The following LRFN5 variants were observed in gnomAD, a reference collection of about 807,000 sequenced individuals.
The protein encoded by LRFN5 is leucine-rich repeat and fibronectin type-III domain-containing protein 5.
A neutral mutation model predicts 45.6 loss-of-function variants in LRFN5; 24 were observed. The observed-to-expected ratio is 0.53, with a 90% CI of 0.38 to 0.74. The LOEUF (loss-of-function observed/expected upper bound fraction) is 0.74, where lower values mean the gene tolerates loss of function less well. LRFN5 is among the 30% of genes least tolerant of loss of function. The pLI is 0.00. For synonymous variants in LRFN5, 340 were observed against 313.8 expected, an observed-to-expected ratio of 1.08 and a Z score of -0.88; for missense variants, 776 against 861.5, an observed-to-expected ratio of 0.90 and a Z score of 1.24.
chr14:41,829,656 G>A (rs1888411756), intron 2 of LRFN5, among the ~76,000 whole-genome samples: 2 of 151,524 alleles, frequency 1.3e-5, no homozygotes, highest in Non-Finnish European at 3.0e-5. Context: ...CTTTCATTAA[G>A]TGGTTATATT....
At chr14:41,810,449 C>A (rs2138990054) in intron 2 of LRFN5, among the ~76,000 whole-genome samples, 1 of 152,108 alleles carries the variant, frequency 6.6e-6, no homozygotes, top group South Asian at 2.1e-4. Context: ...TAATTTTGGG[C>A]TTATCATCCA....
At chr14:41,775,736 C>A (rs1282348272) in intron 2 of LRFN5, among the ~76,000 whole-genome samples, 1 of 151,962 alleles carries the variant, frequency 6.6e-6, no homozygotes, top group Non-Finnish European at 1.5e-5. Flanking sequence ...TAGGGTAAAC[C>A]TTTTTATAAT....
At chr14:41,863,109 C>T (rs1889725248) in intron 2 of LRFN5, among the ~76,000 whole-genome samples, 1 of 152,116 alleles carries the variant, frequency 6.6e-6, no homozygotes, top group Non-Finnish European at 1.5e-5. Flanking sequence ...TGTGATCCGC[C>T]CGCCTCAGCC....
Position 41,794,425 on chromosome 14 carries a change from T to A in LRFN5, c.-21+27396T>A, listed in dbSNP as rs956797083. On this transcript the variant is annotated intron_variant, in intron 2 of 5. Transcript: ENST00000298119. ...TTACCTCCTGTAAGACTTTTCTGAT[T>A]CATTTAATTTCATTTAATTTACACT... Among the ~76,000 whole-genome samples the A allele has an allele frequency of 6.6e-5, 10 of 152,212 alleles. No individual in the cohort carries two copies. The East Asian group carries it at 1.7e-3, about 27-fold the overall frequency.
intron 1 of LRFN5, among the ~76,000 whole-genome samples, chr14:41,626,602 C>A (rs1021136828): frequency 6.6e-6 from 1 of 152,002 alleles, no homozygotes; most frequent in African/African-American, 2.4e-5. Context: ...TATTTATGTT[C>A]ATAGTGTTAT....
chr14:41,638,869 A>G (rs1294313078), intron 1 of LRFN5, among the ~76,000 whole-genome samples: 1 of 152,118 alleles, frequency 6.6e-6, no homozygotes, highest in Non-Finnish European at 1.5e-5. Flanking sequence ...TTCTAGAAAT[A>G]CAGCATCAGT....
intron 2 of LRFN5, among the ~76,000 whole-genome samples, chr14:41,801,115 A>C (rs1887315557): frequency 6.6e-6 from 1 of 152,102 alleles, no homozygotes; most frequent in South Asian, 2.1e-4. Context: ...TTGGTAAAGG[A>C]GTAGAAAAAA....
intron 2 of LRFN5, among the ~76,000 whole-genome samples, chr14:41,883,509 A>G (rs961939469): frequency 7.2e-5 from 11 of 152,160 alleles, no homozygotes; most frequent in Non-Finnish European, 1.5e-4. Context: ...TTTGCTGGTG[A>G]AGAAACTGTT....
intron 1 of LRFN5, among the ~76,000 whole-genome samples, chr14:41,748,294 G>A (rs956433769): frequency 2.0e-5 from 3 of 152,030 alleles, no homozygotes; most frequent in African/African-American, 7.2e-5. Context: ...GCAGACAAAT[G>A]GCTAAGGTAA....
chr14:41,777,652 A>G (rs1886338593), intron 2 of LRFN5, among the ~76,000 whole-genome samples: 3 of 151,864 alleles, frequency 2.0e-5, no homozygotes, highest in Non-Finnish European at 4.4e-5. Flanking sequence ...TAGGAGCTCT[A>G]TTACATTGGT....
intron 1 of LRFN5, among the ~76,000 whole-genome samples, chr14:41,624,674 T>C (rs755632041): frequency 3.3e-5 from 5 of 152,088 alleles, no homozygotes; most frequent in Non-Finnish European, 7.4e-5. Flanking sequence ...TTACTCTACA[T>C]TACTGCTGGG....
intron 1 of LRFN5, among the ~76,000 whole-genome samples, chr14:41,662,402 T>C (rs1880696362): frequency 6.6e-6 from 1 of 151,998 alleles, no homozygotes; most frequent in Non-Finnish European, 1.5e-5. Flanking sequence ...TAAGAGATTA[T>C]TTTGTACCCT....
chr14:41,711,633 G>A (rs1183501949), intron 1 of LRFN5, among the ~76,000 whole-genome samples: 1 of 152,138 alleles, frequency 6.6e-6, no homozygotes, highest in Non-Finnish European at 1.5e-5. Context: ...CAGGTTTGTA[G>A]TGTTTAATGG....
intron 1 of LRFN5, among the ~76,000 whole-genome samples, chr14:41,644,584 T>A (rs1027166288): frequency 2.0e-5 from 3 of 151,904 alleles, no homozygotes; most frequent in Admixed American, 6.6e-5. Flanking sequence ...GGAGTGTGTG[T>A]TTTGTGTGTG....
chr14:41,630,066 A>T (rs1275582799), intron 1 of LRFN5, among the ~76,000 whole-genome samples: 1 of 152,144 alleles, frequency 6.6e-6, no homozygotes, highest in African/African-American at 2.4e-5. Flanking sequence ...AGATATTGTC[A>T]ACATGAAGCA....
At chr14:41,839,207 G>A (rs17112297) in intron 2 of LRFN5, among the ~76,000 whole-genome samples, 77,870 of 151,766 alleles carry the variant, frequency 0.51, 20,876 homozygotes, top group African/African-American at 0.63. Flanking sequence ...CTCTTTGCAT[G>A]TATAAACAAA....
At position 41,893,157 on chromosome 14, in the gene LRFN5, A is replaced by G. The variant is rs963599368; in HGVS notation, c.2098+1195A>G. 1.0e-5 allele frequency: 10 copies of G among 983,466 alleles called. No homozygotes were observed. The African/African-American group carries it at 1.6e-4, about 15-fold the overall frequency. 60.9% of individuals were successfully genotyped at this position (983,466 alleles called of 1,614,324 possible). A position where few individuals can be genotyped will look rare whatever the true frequency, so the allele number is the denominator to read the frequency against. On this transcript the variant is annotated intron_variant, in intron 4 of 5. Coordinates refer to ENST00000298119, the MANE Select transcript of LRFN5 (RefSeq NM_152447.5). ...TTTGCTATTTTAACCAAAAACTGTG[A>G]TAAATCTAACTAGAAATCATGCTGC...
intron 1 of LRFN5, among the ~76,000 whole-genome samples, chr14:41,729,769 T>C (rs927676570): frequency 3.9e-5 from 6 of 152,050 alleles, no homozygotes; most frequent in African/African-American, 1.4e-4. Flanking sequence ...TTAAAAGAAA[T>C]ATGTCCAAGT....
At chr14:41,772,998 T>A (rs994169842) in intron 2 of LRFN5, among the ~76,000 whole-genome samples, 8 of 152,212 alleles carry the variant, frequency 5.3e-5, no homozygotes, top group African/African-American at 1.9e-4. Flanking sequence ...TGTATCTATT[T>A]TGCTTATTCT....
Sources: gnomAD v4.1 joint callset for allele counts (sites outside exome capture counted in the v4.1 genomes callset) on GRCh38, gnomAD v4.1.1 for gene constraint, MANE v1.5 for transcripts, NCBI Gene and HGNC (gene_info 2026-07-23, HGNC 2026-07-21) for gene names.